KCNAB1: variants seen among roughly 807,000 people sequenced by gnomAD.
KCNAB1 encodes the protein voltage-gated potassium channel subunit beta-1.
In KCNAB1, 35 loss-of-function variants were observed where a neutral mutation model predicts 64.6. The observed-to-expected ratio is 0.54, with a 90% confidence interval of 0.41 to 0.72. The LOEUF (loss-of-function observed/expected upper bound fraction) is 0.72. Among genes scored for constraint, KCNAB1 ranks in the 30% least tolerant of loss-of-function variants. KCNAB1 has a pLI of 0.00. For missense variants in KCNAB1, 401 were observed against 512.9 expected (o/e 0.78, Z 2.11); for synonymous variants, 177 against 183.8 (o/e 0.96, Z 0.30).
chr3:156,147,728 A>T (rs551159843), intron 1 of KCNAB1, among the ~76,000 whole-genome samples: 3 of 152,262 alleles, frequency 2.0e-5, no homozygotes, highest in East Asian at 3.9e-4. Flanking sequence ...TTAACTTGAG[A>T]TGGGCCTTAA....
intron 1 of KCNAB1, among the ~76,000 whole-genome samples, chr3:156,304,102 T>G (rs1721329915): frequency 6.6e-6 from 1 of 152,228 alleles, no homozygotes; most frequent in African/African-American, 2.4e-5. Context: ...ATTTTAGAAA[T>G]AGAACATTCG....
intron 5 of KCNAB1, among the ~76,000 whole-genome samples, chr3:156,462,439 A>C (rs979617473): frequency 6.6e-6 from 1 of 152,236 alleles, no homozygotes. Flanking sequence ...GATTGCTATT[A>C]TAATAGGTAT....
chr3:156,206,183 T>C (rs1714650569), intron 1 of KCNAB1, among the ~76,000 whole-genome samples: 1 of 152,236 alleles, frequency 6.6e-6, no homozygotes, highest in South Asian at 2.1e-4. Context: ...CCAGTGGTTC[T>C]CAGATCCCTG....
At chr3:156,125,383 G>C (rs923461716) in intron 1 of KCNAB1, among the ~76,000 whole-genome samples, 1 of 152,148 alleles carries the variant, frequency 6.6e-6, no homozygotes, top group Non-Finnish European at 1.5e-5. Flanking sequence ...TTTTATAAGA[G>C]ACCTTTGTGT....
intron 1 of KCNAB1, among the ~76,000 whole-genome samples, chr3:156,278,989 A>T (rs993985039): frequency 6.6e-6 from 1 of 151,492 alleles, no homozygotes; most frequent in Non-Finnish European, 1.5e-5. Context: ...TTATACTTTT[A>T]AGTTTTAGGG....
chr3:156,505,807 AG>A (rs1716797615), intron 8 of KCNAB1, among the ~76,000 whole-genome samples: 1 of 152,104 alleles, frequency 6.6e-6, no homozygotes, highest in Non-Finnish European at 1.5e-5. Context: ...GAAGGCTAAG[AG>A]GGGGAGAGGG....
At chr3:156,338,681 G>A (rs1216064256) in intron 1 of KCNAB1, among the ~76,000 whole-genome samples, 2 of 152,130 alleles carry the variant, frequency 1.3e-5, no homozygotes, top group African/African-American at 4.8e-5. Context: ...TAAGTTTAAG[G>A]GAGAGAAAAC....
At chr3:156,509,424 C>T (rs918192381) in intron 8 of KCNAB1, among the ~76,000 whole-genome samples, 1 of 152,118 alleles carries the variant, frequency 6.6e-6, no homozygotes, top group Non-Finnish European at 1.5e-5. Flanking sequence ...GAGCTACACC[C>T]TGAGACCATT....
At chr3:156,199,065 C>T (rs568571433) in intron 1 of KCNAB1, among the ~76,000 whole-genome samples, 5 of 151,664 alleles carry the variant, frequency 3.3e-5, no homozygotes, top group African/African-American at 1.2e-4. Context: ...TTTATTTCTC[C>T]TTCACTTATG....
At chr3:156,507,686 A>G (rs1037154568) in intron 8 of KCNAB1, among the ~76,000 whole-genome samples, 2 of 152,240 alleles carry the variant, frequency 1.3e-5, no homozygotes, top group Admixed American at 1.3e-4. Context: ...AGGTAGATAA[A>G]TCACAAACAG....
chr3:156,127,164 G>A (rs1474867374), intron 1 of KCNAB1, among the ~76,000 whole-genome samples: 1 of 152,174 alleles, frequency 6.6e-6, no homozygotes, highest in Non-Finnish European at 1.5e-5. Context: ...GGAACATAGT[G>A]GACAGCATCA....
At chr3:156,425,682 G>C (rs985213941) in intron 2 of KCNAB1, among the ~76,000 whole-genome samples, 13 of 152,212 alleles carry the variant, frequency 8.5e-5, no homozygotes, top group African/African-American at 3.1e-4. Context: ...AAACATTTAT[G>C]AAGCCAGACA....
intron 1 of KCNAB1, chr3:156,143,569 G>GTTGGTTTTTTTTT (rs1443482013): frequency 3.6e-6 from 1 of 281,598 alleles, no homozygotes; most frequent in African/African-American, 2.9e-5. Context: ...TTGCATTCTT[G>GTTGGTTTTTTTTT]TTTTTTTTTT....
At chr3:156,364,215 A>G (rs947749658) in intron 1 of KCNAB1, among the ~76,000 whole-genome samples, 10 of 152,248 alleles carry the variant, frequency 6.6e-5, no homozygotes, top group African/African-American at 2.4e-4. Flanking sequence ...TTAAGAGTAC[A>G]GATTTGCATA....
chr3:156,531,223 A>T (rs1046906544), intron 12 of KCNAB1, among the ~76,000 whole-genome samples, 186 bp from the exon 13 acceptor site: 8 of 152,110 alleles, frequency 5.3e-5, no homozygotes, highest in African/African-American at 1.9e-4. Flanking sequence ...GCTTTGACAG[A>T]TTCTGTCAAA....
intron 1 of KCNAB1, among the ~76,000 whole-genome samples, chr3:156,144,161 A>G (rs1714904254): frequency 6.6e-6 from 1 of 152,168 alleles, no homozygotes; most frequent in African/African-American, 2.4e-5. Flanking sequence ...GGAGTTTTAA[A>G]CAGCCCAGAA....
At chr3:156,449,420 A>G (rs1351974064) in intron 2 of KCNAB1, among the ~76,000 whole-genome samples, 3 of 152,150 alleles carry the variant, frequency 2.0e-5, no homozygotes, top group Non-Finnish European at 4.4e-5. Context: ...GCTCTTCCTA[A>G]CATGGATGGA....
intron 1 of KCNAB1, among the ~76,000 whole-genome samples, chr3:156,334,876 C>T (rs1354023593): frequency 1.3e-5 from 2 of 152,124 alleles, no homozygotes; most frequent in Non-Finnish European, 2.9e-5. Flanking sequence ...TAAGCTTGAA[C>T]CTGAAATTAC....
chr3:156,521,299 C>G (rs1260932440), intron 11 of KCNAB1, among the ~76,000 whole-genome samples: 2 of 152,278 alleles, frequency 1.3e-5, no homozygotes, highest in South Asian at 2.1e-4. Flanking sequence ...GCCACAAGCC[C>G]TGTGGAGTCC....
Sources: gnomAD v4.1 joint callset for allele counts (sites outside exome capture counted in the v4.1 genomes callset) on GRCh38, gnomAD v4.1.1 for gene constraint, MANE v1.5 for transcripts, NCBI Gene and HGNC (gene_info 2026-07-23, HGNC 2026-07-21) for gene names.